Variants in RANBP17 observed in about 807,000 individuals in gnomAD.
The protein encoded by RANBP17 is RAN binding protein 17, also known as ran-binding protein 17.
RANBP17 carries 158 observed loss-of-function variants against 141.2 expected under a neutral mutation model. That is an observed-to-expected ratio of 1.12 (90% confidence interval 0.98 to 1.28). The LOEUF is 1.28. Among genes scored for constraint, RANBP17 ranks in the 50% most tolerant of loss-of-function variants. The pLI is 0.00. For synonymous variants in RANBP17, 430 were observed against 450.0 expected, an observed-to-expected ratio of 0.96 and a Z score of 0.56; for missense variants, 1,438 against 1,290.7, an observed-to-expected ratio of 1.11 and a Z score of -1.75.
intron 12 of RANBP17, among the ~76,000 whole-genome samples, chr5:170,941,631 A>G (rs1561913508): frequency 6.6e-6 from 1 of 152,300 alleles, no homozygotes; most frequent in East Asian, 1.9e-4. Context: ...AAAATGATCA[A>G]TAGCAAATAG....
chr5:170,971,220 A>G (rs1395833492), intron 14 of RANBP17, among the ~76,000 whole-genome samples: 4 of 152,226 alleles, frequency 2.6e-5, no homozygotes, highest in African/African-American at 9.6e-5. Context: ...TGGAATTACT[A>G]AAGTGTCCTA....
intron 1 of RANBP17, among the ~76,000 whole-genome samples, chr5:170,875,892 C>T (rs772349113): frequency 2.6e-5 from 4 of 152,168 alleles, no homozygotes; most frequent in East Asian, 1.9e-4. Flanking sequence ...TGTCTAGTTT[C>T]GATCTTTGAG....
At chr5:171,062,508 A>G (rs868832922) in intron 14 of RANBP17, among the ~76,000 whole-genome samples, 5 of 152,162 alleles carry the variant, frequency 3.3e-5, no homozygotes, top group Non-Finnish European at 7.4e-5. Flanking sequence ...TCTGGCTTGT[A>G]GAGTTTCTGC....
intron 14 of RANBP17, among the ~76,000 whole-genome samples, chr5:171,102,238 G>C (rs1397802849): frequency 6.6e-6 from 1 of 152,118 alleles, no homozygotes; most frequent in Non-Finnish European, 1.5e-5. Flanking sequence ...CCAAGCAAAT[G>C]TAGGTTTGGT....
chr5:170,998,473 C>T (rs191092688), intron 14 of RANBP17, among the ~76,000 whole-genome samples: 1 of 152,256 alleles, frequency 6.6e-6, no homozygotes, highest in Admixed American at 6.5e-5. Flanking sequence ...TCTACATTGT[C>T]ACAGTATTTA....
At position 170,892,485 on chromosome 5, in the gene RANBP17, T is replaced by A. The variant is rs769872460; in HGVS notation, c.355T>A (p.Trp119Arg). Residue 119 changes from tryptophan to arginine, a missense_variant, in exon 4 of 28, where the codon TGG (tryptophan) becomes AGG (arginine). Transcript: ENST00000523189. ...CATTGCTAAAATCACTAAGTTGGGGTGGTTTGAGGTTCAGAAAGACCAATT... is the reference window on the plus strand; with the variant it reads ...CATTGCTAAAATCACTAAGTTGGGGAGGTTTGAGGTTCAGAAAGACCAATT... ...QVIAKITKLG[W>R]FEVQKDQFVF... 6.2e-7 allele frequency: 1 copy of A among 1,613,760 alleles called. No homozygotes were observed. The highest frequency in any genetic ancestry group is 1.3e-5 in the African/African-American group (1 of 74,838).
chr5:170,891,093 T>C (rs1769556563), intron 3 of RANBP17, among the ~76,000 whole-genome samples: 1 of 152,202 alleles, frequency 6.6e-6, no homozygotes, highest in Non-Finnish European at 1.5e-5. Context: ...GACATGTTCC[T>C]AAAAGTGACT....
intron 12 of RANBP17, among the ~76,000 whole-genome samples, chr5:170,933,676 G>A (rs1773599994): frequency 6.6e-6 from 1 of 152,170 alleles, no homozygotes; most frequent in Non-Finnish European, 1.5e-5. Flanking sequence ...TATGTACCCA[G>A]TAGTCATTCA....
intron 14 of RANBP17, among the ~76,000 whole-genome samples, chr5:171,095,925 GGAA>G (rs1310375541): frequency 6.6e-6 from 1 of 152,080 alleles, no homozygotes; most frequent in African/African-American, 2.4e-5. Context: ...TTAAAATAAA[GGAA>G]GGTAGGGGAA....
At position 170,870,270 on chromosome 5, in the gene RANBP17, G is replaced by A. The variant is rs563392991; in HGVS notation, c.19-7827G>A. On this transcript the variant is annotated intron_variant, in intron 1 of 27. Coordinates refer to ENST00000523189, the MANE Select transcript of RANBP17 (RefSeq NM_022897.5). ...CAGAACGTGCAGGTTTGTTACATAG[G>A]TATACATGTGCCGTGGTGGTTTGCC... 1.5e-4 allele frequency among the ~76,000 whole-genome samples: 23 copies of A among 152,184 alleles called. No individual in the cohort carries two copies. The South Asian group carries it at 4.8e-3, about 32-fold the overall frequency.
rs116574604 is a variant in RANBP17 at position 170,988,720 on chromosome 5, A to G, written c.1710+20343A>G. On this transcript the variant is annotated intron_variant, in intron 14 of 27. Transcript: ENST00000523189. Reference sequence around the variant, plus strand: ...ACAGTTCATTATATATGTATTATACATACATGATCTTTGCACTTATGTGAT... The same window carrying G: ...ACAGTTCATTATATATGTATTATACGTACATGATCTTTGCACTTATGTGAT... 3.1e-3 allele frequency among the ~76,000 whole-genome samples: 475 copies of G among 151,958 alleles called. 3 individuals carry two copies. Among genetic ancestry groups the G allele is most frequent in the African/African-American group, 0.011 (449 of 41,544 alleles).
At chr5:170,900,744 T>C (rs941963355) in intron 5 of RANBP17, among the ~76,000 whole-genome samples, 2 of 152,200 alleles carry the variant, frequency 1.3e-5, no homozygotes, top group Admixed American at 6.5e-5. Flanking sequence ...AGATAACTTA[T>C]TTATTTCTGC....
In RANBP17 at chr5:170,891,799, G is replaced by A. The variant is rs116407441; in HGVS notation, c.257-588G>A. On this transcript the variant is annotated intron_variant, in intron 3 of 27. Coordinates refer to ENST00000523189, the MANE Select transcript of RANBP17 (RefSeq NM_022897.5). ...CCAACAGGTCCCTCCTCCAACATTG[G>A]GGACATGAGACTTGGTCAGGGACAC... Among the ~76,000 whole-genome samples, 622 of 152,236 alleles carry A rather than the reference G, an allele frequency of 4.1e-3. 4 individuals carry two copies. Among genetic ancestry groups the A allele is most frequent in the African/African-American group, 0.014 (584 of 41,530 alleles).
At chr5:171,031,648 C>T (rs913864875) in intron 14 of RANBP17, among the ~76,000 whole-genome samples, 5 of 151,978 alleles carry the variant, frequency 3.3e-5, no homozygotes, top group East Asian at 1.9e-4. Context: ...AGGACACACA[C>T]AGAAAAGACC....
intron 13 of RANBP17, among the ~76,000 whole-genome samples, chr5:170,958,243 T>C (rs1038368515): frequency 2.0e-5 from 3 of 152,214 alleles, no homozygotes; most frequent in African/African-American, 7.2e-5. Context: ...TTCTTAGTTA[T>C]GTTTCCTGGC....
At chr5:170,903,334 C>G (rs1005615173) in intron 5 of RANBP17, among the ~76,000 whole-genome samples, 1 of 152,226 alleles carries the variant, frequency 6.6e-6, no homozygotes, top group East Asian at 1.9e-4. Flanking sequence ...GCCCCTCCCC[C>G]CACCAAGCTG....
Position 171,180,843 on chromosome 5 carries a change from AT to A in RANBP17, c.1866-2322del, listed in dbSNP as rs528052986. On this transcript the variant is annotated intron_variant, in intron 16 of 27. Coordinates refer to ENST00000523189, the MANE Select transcript of RANBP17 (RefSeq NM_022897.5). ...AGAAAATGTGTCTTTGACAGATGAGATTCTTCCTGTGAATGTTCTGTTTATT... is the reference window on the plus strand; with the variant it reads ...AGAAAATGTGTCTTTGACAGATGAGATCTTCCTGTGAATGTTCTGTTTATT... 7.2e-5 allele frequency among the ~76,000 whole-genome samples: 11 copies of A among 152,248 alleles called. No homozygotes were observed. The South Asian group carries it at 2.3e-3, about 32-fold the overall frequency.
chr5:171,099,835 G>T (rs566115874), intron 14 of RANBP17, among the ~76,000 whole-genome samples: 1 of 152,220 alleles, frequency 6.6e-6, no homozygotes, highest in South Asian at 2.1e-4. Context: ...TTTATCAAAG[G>T]CTTTTTCTGC....
chr5:171,049,563 G>T (rs1468476112), intron 14 of RANBP17, among the ~76,000 whole-genome samples: 1 of 152,070 alleles, frequency 6.6e-6, no homozygotes, highest in Non-Finnish European at 1.5e-5. Context: ...GTACAGAATG[G>T]CATTTTCTAG....
Sources: gnomAD v4.1 joint callset for allele counts (sites outside exome capture counted in the v4.1 genomes callset) on GRCh38, gnomAD v4.1.1 for gene constraint, MANE v1.5 for transcripts, NCBI Gene and HGNC (gene_info 2026-07-23, HGNC 2026-07-21) for gene names.